GRM5: variants seen among roughly 807,000 people sequenced by gnomAD.
The protein encoded by GRM5 is metabotropic glutamate receptor 5.
In GRM5, 19 loss-of-function variants were observed where a neutral mutation model predicts 83.1. The observed-to-expected ratio is 0.23, with a 90% CI of 0.16 to 0.34. GRM5 has a LOEUF of 0.34. Among genes scored for constraint, GRM5 ranks in the 10% least tolerant of loss-of-function variants. The pLI is 1.00. For missense variants in GRM5, 1,160 were observed against 1,588.3 expected (o/e 0.73, Z 4.58); for synonymous variants, 675 against 633.6 (o/e 1.07, Z -0.98).
intron 8 of GRM5, among the ~76,000 whole-genome samples, chr11:88,535,207 C>A (rs776889137): frequency 6.6e-6 from 1 of 152,112 alleles, no homozygotes; most frequent in Non-Finnish European, 1.5e-5. Context: ...CCCATCCTTA[C>A]CTTCACGATG....
intron 3 of GRM5, among the ~76,000 whole-genome samples, chr11:88,717,678 A>G (rs1941428715): frequency 6.6e-6 from 1 of 151,848 alleles, no homozygotes; most frequent in Admixed American, 6.6e-5. Flanking sequence ...ATTTAAAGGC[A>G]TGAGAAAATG....
intron 3 of GRM5, among the ~76,000 whole-genome samples, chr11:88,804,736 T>C (rs1943469138): frequency 6.6e-6 from 1 of 152,010 alleles, no homozygotes; most frequent in African/African-American, 2.4e-5. Flanking sequence ...AAACAAATAC[T>C]GCAGGTTCTC....
At chr11:88,881,827 A>G (rs1016270767) in intron 2 of GRM5, among the ~76,000 whole-genome samples, 3 of 152,176 alleles carry the variant, frequency 2.0e-5, no homozygotes, top group African/African-American at 7.2e-5. Context: ...ATTATTTAAA[A>G]ATTTTGAATA....
intron 2 of GRM5, among the ~76,000 whole-genome samples, chr11:88,920,947 T>C (rs1945680776): frequency 6.6e-6 from 1 of 152,146 alleles, no homozygotes; most frequent in African/African-American, 2.4e-5. Flanking sequence ...TAAAAACATA[T>C]ATGTGCAGGT....
In GRM5 at chr11:88,922,899, G is replaced by A. The variant is rs1480471642; in HGVS notation, c.662-72744C>T. On this transcript the variant is annotated intron_variant, in intron 2 of 9. Transcript: ENST00000305447. ...CAATGGTAAAAAATCTGATAATCCA[G>A]TTTAAAATGGGCAAAATATCTGAAT... is the stretch of plus-strand genomic sequence containing the variant. Among the ~76,000 whole-genome samples, 34 of 152,072 alleles carry A rather than the reference G, an allele frequency of 2.2e-4. 1 individual carries two copies. Among genetic ancestry groups the A allele is most frequent in the Non-Finnish European group, 7.4e-5 (5 of 67,944 alleles).
chr11:88,709,322 A>G (rs543155253), intron 3 of GRM5, among the ~76,000 whole-genome samples: 2 of 152,178 alleles, frequency 1.3e-5, no homozygotes, highest in Admixed American at 6.5e-5. Context: ...GGGATGGACC[A>G]TGAGGCTAAA....
At chr11:88,685,476 G>C (rs1387302977) in intron 3 of GRM5, among the ~76,000 whole-genome samples, 1 of 152,228 alleles carries the variant, frequency 6.6e-6, no homozygotes, top group Non-Finnish European at 1.5e-5. Flanking sequence ...TTTCTAAAGA[G>C]AAATTCAAGC....
chr11:88,869,171 C>T (rs1313752449), intron 2 of GRM5, among the ~76,000 whole-genome samples: 1 of 151,484 alleles, frequency 6.6e-6, no homozygotes, highest in East Asian at 1.9e-4. Context: ...GTAATTCTGC[C>T]CAAGCCTCCA....
intron 2 of GRM5, among the ~76,000 whole-genome samples, chr11:88,998,056 A>G (rs1267579315): frequency 6.6e-6 from 1 of 151,258 alleles, no homozygotes; most frequent in Admixed American, 6.6e-5. Context: ...AAAATATGAG[A>G]GGCGGAGAGA....
intron 4 of GRM5, among the ~76,000 whole-genome samples, chr11:88,649,293 T>C (rs1374540057): frequency 2.2e-5 from 3 of 139,194 alleles, no homozygotes; most frequent in African/African-American, 7.9e-5. Flanking sequence ...ATGTAATACA[T>C]ATATATTATA....
chr11:88,718,936 C>G (rs895570039), intron 3 of GRM5, among the ~76,000 whole-genome samples: 1 of 152,006 alleles, frequency 6.6e-6, no homozygotes, highest in East Asian at 1.9e-4. Flanking sequence ...TTGTCTTCTC[C>G]TTGTTATTCT....
chr11:88,723,101 A>C (rs1207822478), intron 3 of GRM5, among the ~76,000 whole-genome samples: 1 of 151,716 alleles, frequency 6.6e-6, no homozygotes, highest in Non-Finnish European at 1.5e-5. Context: ...TTTATTCAGA[A>C]TGTCATATAT....
intron 3 of GRM5, among the ~76,000 whole-genome samples, chr11:88,831,756 G>C (rs1311797846): frequency 6.6e-6 from 1 of 152,150 alleles, no homozygotes; most frequent in Non-Finnish European, 1.5e-5. Flanking sequence ...AGCTTGGACT[G>C]CTTGGGATCC....
At chr11:88,509,735 T>C (rs1359745392) in intron 9 of GRM5, among the ~76,000 whole-genome samples, 2 of 152,202 alleles carry the variant, frequency 1.3e-5, no homozygotes, top group Admixed American at 6.5e-5. Context: ...TTTATCATAA[T>C]CGTGAAAATG....
intron 3 of GRM5, among the ~76,000 whole-genome samples, chr11:88,719,557 C>T (rs1037171838): frequency 2.0e-5 from 3 of 151,904 alleles, no homozygotes; most frequent in Non-Finnish European, 4.4e-5. Flanking sequence ...GAATAATTTA[C>T]ATATTTTGGG....
Position 88,772,869 on chromosome 11 carries a change from T to C in GRM5, c.911+77037A>G, listed in dbSNP as rs1347615719. 2.0e-5 allele frequency among the ~76,000 whole-genome samples: 3 copies of C among 152,218 alleles called. No homozygotes were observed. The South Asian group carries it at 6.2e-4, about 32-fold the overall frequency. On this transcript the variant is annotated intron_variant, in intron 3 of 9. Transcript: ENST00000305447. Reference sequence around the variant, plus strand: ...TATCATTGATGGACATTTGGGTTGGTTCCAAGTCTTTGCTATTGTGAATGG... The same window carrying C: ...TATCATTGATGGACATTTGGGTTGGCTCCAAGTCTTTGCTATTGTGAATGG...
intron 2 of GRM5, among the ~76,000 whole-genome samples, chr11:89,016,875 G>A (rs1371314284): frequency 6.6e-6 from 1 of 152,082 alleles, no homozygotes; most frequent in Non-Finnish European, 1.5e-5. Context: ...ATTGCAAACT[G>A]GATAATAGCC....
intron 4 of GRM5, among the ~76,000 whole-genome samples, chr11:88,633,757 A>T (rs988038052): frequency 7.9e-5 from 12 of 152,182 alleles, no homozygotes; most frequent in Non-Finnish European, 1.8e-4. Flanking sequence ...CTGGCCTATA[A>T]TGATTCTCTT....
At chr11:88,717,137 C>T (rs1232114369) in intron 3 of GRM5, among the ~76,000 whole-genome samples, 1 of 151,868 alleles carries the variant, frequency 6.6e-6, no homozygotes, top group Non-Finnish European at 1.5e-5. Context: ...AGTACAAAAT[C>T]ACCTTCTCTA....
Sources: gnomAD v4.1 joint callset for allele counts (sites outside exome capture counted in the v4.1 genomes callset) on GRCh38, gnomAD v4.1.1 for gene constraint, MANE v1.5 for transcripts, NCBI Gene and HGNC (gene_info 2026-07-23, HGNC 2026-07-21) for gene names.